Variants in UGGT1 observed in about 807,000 individuals in gnomAD.
UGGT1 encodes UDP-glucose glycoprotein glucosyltransferase 1.
UGGT1 carries 107 observed loss-of-function variants against 203.9 expected under a neutral mutation model. The ratio of observed to expected loss-of-function variants is 0.52; its 90% CI spans 0.45 to 0.62. UGGT1 has a LOEUF of 0.62. Ranked by LOEUF, UGGT1 falls within the 20% of genes least tolerant of loss-of-function variation. UGGT1 has a pLI of 0.00. For synonymous variants in UGGT1, 628 were observed against 653.5 expected (o/e 0.96, Z 0.59); for missense variants, 1,673 against 1,867.2 (o/e 0.90, Z 1.92).
chr2:128,103,994 T>C lies in UGGT1; in HGVS notation c.257T>C (p.Ile86Thr), dbSNP rs766470703. ...FWNFVEASQN[I>T]GSSDHDGTDY... ...AATTTTGTAGAAGCCAGTCAAAATA[T>C]TGGATCATCAGATCATGACGGTAAA... Residue 86 changes from isoleucine (I) to threonine (T), a missense_variant, in exon 3 of 41, where the codon ATT becomes ACT. Physicochemically the swap from Ile to Thr is moderately conservative, Grantham distance 89. Transcript: ENST00000259253. 2 of 1,591,172 alleles carry C rather than the reference T, an allele frequency of 1.3e-6. No homozygotes were observed. The highest frequency in any genetic ancestry group is 2.3e-5 in the East Asian group (1 of 43,468).
intron 38 of UGGT1, 53 bp from the exon 39 acceptor site, chr2:128,186,630 C>T (rs1293497334): frequency 1.3e-5 from 18 of 1,424,928 alleles, no homozygotes; most frequent in East Asian, 7.2e-5. Context: ...AAATAAATAT[C>T]GCCAGAACTT....
At chr2:128,095,151 C>T (rs1349366465) in intron 1 of UGGT1, among the ~76,000 whole-genome samples, 1 of 152,066 alleles carries the variant, frequency 6.6e-6, no homozygotes, top group African/African-American at 2.4e-5. Context: ...AGGCCTATAT[C>T]CTCTTCACTC....
rs772723705 is a variant in UGGT1, at chr2:128,097,418, T to C, written c.59-11T>C. On this transcript the variant is annotated splice_polypyrimidine_tract_variant and intron_variant, in intron 1 of 40. Coordinates refer to ENST00000259253, the MANE Select transcript of UGGT1 (RefSeq NM_020120.4). ...CTTGTAGCAAAACTTCTTTTCTTTT[T>C]TTCCTTTTAGGAGTTTGCTATAAAA... 1.8e-5 allele frequency: 29 copies of C among 1,583,974 alleles called. No homozygotes were observed. Among genetic ancestry groups the C allele is most frequent in the Middle Eastern group, 3.4e-4 (2 of 5,876 alleles).
In UGGT1 at chr2:128,149,876, C is replaced by T. The variant is rs534342789; in HGVS notation, c.2017-2908C>T. Reference sequence around the variant, plus strand: ...ACTCGGGAGGCTGAGGCAGGAGAATCGCTTGAACGCAGGAGGCCGAGGTTG... The same window carrying T: ...ACTCGGGAGGCTGAGGCAGGAGAATTGCTTGAACGCAGGAGGCCGAGGTTG... On this transcript the variant is annotated intron_variant, in intron 18 of 40. Coordinates refer to ENST00000259253, the MANE Select transcript of UGGT1 (RefSeq NM_020120.4). Among the ~76,000 whole-genome samples, 6 of 152,008 alleles carry T rather than the reference C, an allele frequency of 3.9e-5. No homozygotes were observed. In the East Asian group the frequency reaches 9.7e-4, roughly 25 times the overall value.
chr2:128,195,423 G>A lies in UGGT1; in HGVS notation c.*5681G>A, dbSNP rs1692470263. 1 of 152,188 alleles carries A rather than the reference G, an allele frequency of 6.6e-6. No homozygotes were observed. 9.4% of individuals were successfully genotyped at this position (152,188 alleles called of 1,614,324 possible). On this transcript the variant is annotated 3_prime_UTR_variant, in exon 41 of 41. Coordinates refer to ENST00000259253, the MANE Select transcript of UGGT1 (RefSeq NM_020120.4). ...TTATTCGTGGTAATAATAAAATAAA[G>A]GTGGGAAAATGTTATAATTTTTAAG...
At chr2:128,125,318 A>G (rs1027757910) in intron 11 of UGGT1, among the ~76,000 whole-genome samples, 1 of 152,060 alleles carries the variant, frequency 6.6e-6, no homozygotes, top group Non-Finnish European at 1.5e-5. Context: ...TGGCTGTGGG[A>G]AATCAGTTGG....
intron 25 of UGGT1, among the ~76,000 whole-genome samples, chr2:128,163,588 G>A (rs1300555211): frequency 1.3e-5 from 2 of 151,940 alleles, no homozygotes; most frequent in African/African-American, 4.8e-5. Flanking sequence ...GGTGGCGGGC[G>A]CCTGTGATCC....
intron 8 of UGGT1, among the ~76,000 whole-genome samples, chr2:128,119,728 A>G (rs1359086696): frequency 6.6e-6 from 1 of 151,098 alleles, no homozygotes; most frequent in African/African-American, 2.4e-5. Context: ...AAAAGCATAG[A>G]GAAAAATTTA....
chr2:128,124,402 A>G (rs1236773122), intron 11 of UGGT1, among the ~76,000 whole-genome samples: 1 of 152,074 alleles, frequency 6.6e-6, no homozygotes, highest in Non-Finnish European at 1.5e-5. Flanking sequence ...TTTGTATGAG[A>G]TCTCTTAAGG....
In UGGT1 at chr2:128,170,126, C is replaced by T. The variant is rs190098318; in HGVS notation, c.2922-162C>T. On this transcript the variant is annotated intron_variant, in intron 26 of 40. Transcript: ENST00000259253. ...AGATCCATTATTAAGGTTTTGCAATCTTTGGGATAGACAGAATCATATAGT... is the reference window on the plus strand; with the variant it reads ...AGATCCATTATTAAGGTTTTGCAATTTTTGGGATAGACAGAATCATATAGT... Among the ~76,000 whole-genome samples, 169 of 152,270 alleles carry T rather than the reference C, an allele frequency of 1.1e-3. 3 individuals are homozygous for T. In the East Asian group the frequency reaches 0.025, roughly 22 times the overall value.
At chr2:128,116,558 G>C (rs963697553) in intron 8 of UGGT1, among the ~76,000 whole-genome samples, 2 of 151,798 alleles carry the variant, frequency 1.3e-5, no homozygotes, top group Non-Finnish European at 2.9e-5. Flanking sequence ...ACAGGGTCTC[G>C]CTGTGTCGCC....
chr2:128,147,357 A>C (rs1267234830), intron 18 of UGGT1, among the ~76,000 whole-genome samples: 1 of 152,108 alleles, frequency 6.6e-6, no homozygotes, highest in Non-Finnish European at 1.5e-5. Flanking sequence ...CCTTTGGTTT[A>C]TAGATATTAT....
rs1290128745 is a variant in UGGT1 at position 128,097,532 on chromosome 2, A to G, written c.162A>G (p.Lys54=). Residue 54 remains lysine (K), a synonymous_variant, in exon 2 of 41, where the codon AAA becomes AAG. Coordinates refer to ENST00000259253, the MANE Select transcript of UGGT1 (RefSeq NM_020120.4). ...SKAITTSLTT[K]WFSTPLLLEA... is the part of the protein sequence containing the mutation. ...CCATTACAACCTCTCTTACAACAAAATGGTTTTCCACTCCATTGTTGTTAG... is the reference window on the plus strand; with the variant it reads ...CCATTACAACCTCTCTTACAACAAAGTGGTTTTCCACTCCATTGTTGTTAG... 7 of 1,614,122 alleles carry G rather than the reference A, an allele frequency of 4.3e-6. No homozygotes were observed. The highest frequency in any genetic ancestry group is 5.1e-6 in the Non-Finnish European group (6 of 1,180,010).
intron 34 of UGGT1, 124 bp from the exon 35 acceptor site, chr2:128,179,662 C>G: frequency 1.4e-6 from 1 of 728,672 alleles, no homozygotes; most frequent in Non-Finnish European, 2.2e-6. Flanking sequence ...CTCCCTCGGC[C>G]TAATTGAGCC....
chr2:128,127,944 T>G (rs1256083595), intron 12 of UGGT1, among the ~76,000 whole-genome samples: 1 of 151,972 alleles, frequency 6.6e-6, no homozygotes, highest in Non-Finnish European at 1.5e-5. Flanking sequence ...CCTAGTAGTG[T>G]GTATCTGTAG....
At chr2:128,188,559 C>T (rs1361129324) in intron 40 of UGGT1, among the ~76,000 whole-genome samples, 6 of 152,262 alleles carry the variant, frequency 3.9e-5, no homozygotes, top group Admixed American at 2.6e-4. Flanking sequence ...TAAATTGTCA[C>T]GTAATAATTG....
chr2:128,180,590 ATGGACTTAAAGT>A (rs1691642738), intron 35 of UGGT1, among the ~76,000 whole-genome samples: 1 of 152,246 alleles, frequency 6.6e-6, no homozygotes, highest in Middle Eastern at 3.2e-3. Flanking sequence ...GTTTAGACAA[ATGGACTTAAAGT>A]TCATGTGCTG....
At chr2:128,132,796 G>A (rs969986308) in intron 13 of UGGT1, among the ~76,000 whole-genome samples, 18 of 151,916 alleles carry the variant, frequency 1.2e-4, no homozygotes, top group Admixed American at 5.2e-4. Context: ...TTGCAGCCTC[G>A]AACCCCTTGG....
At chr2:128,166,608 A>T (rs1003673104) in intron 26 of UGGT1, among the ~76,000 whole-genome samples, 1 of 151,730 alleles carries the variant, frequency 6.6e-6, no homozygotes, top group African/African-American at 2.4e-5. Flanking sequence ...GTTCTTTGCC[A>T]TTTTTTTTCC....
Sources: gnomAD v4.1 joint callset for allele counts (sites outside exome capture counted in the v4.1 genomes callset) on GRCh38, gnomAD v4.1.1 for gene constraint, MANE v1.5 for transcripts, NCBI Gene and HGNC (gene_info 2026-07-23, HGNC 2026-07-21) for gene names.